Variants in CLIP4 observed in about 807,000 individuals in gnomAD.
The protein encoded by CLIP4 is CAP-Gly domain-containing linker protein 4.
Under a neutral mutation model 73.1 loss-of-function variants are expected in CLIP4, and 47 were observed. The observed-to-expected ratio is 0.64, with a 90% CI of 0.51 to 0.82. CLIP4 has a LOEUF of 0.82. Ranked by LOEUF, CLIP4 falls within the 40% of genes least tolerant of loss-of-function variation. The pLI, the probability that CLIP4 is intolerant of heterozygous loss-of-function variation, is 0.00. For missense variants in CLIP4, 874 were observed against 852.9 expected (o/e 1.02, Z -0.31); for synonymous variants, 306 against 295.4 (o/e 1.04, Z -0.37).
At chr2:29,150,785 A>G (rs1044258948) in intron 8 of CLIP4, among the ~76,000 whole-genome samples, 2 of 151,100 alleles carry the variant, frequency 1.3e-5, no homozygotes, top group African/African-American at 2.4e-5. Flanking sequence ...GTGCCTGGCT[A>G]AATTTTGTAT....
chr2:29,100,541 A>G (rs1199311264), intron 1 of CLIP4, among the ~76,000 whole-genome samples: 5 of 152,008 alleles, frequency 3.3e-5, no homozygotes. Context: ...CATGAACAAG[A>G]AATGTTCCCT....
chr2:29,124,712 T>C (rs887193338), intron 2 of CLIP4, among the ~76,000 whole-genome samples: 2 of 152,182 alleles, frequency 1.3e-5, no homozygotes, highest in Non-Finnish European at 2.9e-5. Flanking sequence ...GTCTAATTAA[T>C]TAGCTGCTGA....
intron 12 of CLIP4, 72 bp from the exon 13 acceptor site, chr2:29,163,759 T>C: frequency 1.4e-6 from 2 of 1,429,770 alleles, no homozygotes; most frequent in Non-Finnish European, 1.9e-6. Context: ...ACCTCGACTT[T>C]GGTTTTGTAT....
At chr2:29,099,575 G>A (rs2148428509) in intron 1 of CLIP4, among the ~76,000 whole-genome samples, 1 of 152,234 alleles carries the variant, frequency 6.6e-6, no homozygotes, top group Admixed American at 6.5e-5. Flanking sequence ...GTATTCTTCT[G>A]CCAATTCCAC....
intron 6 of CLIP4, among the ~76,000 whole-genome samples, chr2:29,139,999 AT>A (rs1170617605): frequency 1.3e-5 from 2 of 150,572 alleles, no homozygotes; most frequent in Non-Finnish European, 3.0e-5. Flanking sequence ...AATTTTAGTT[AT>A]TTTTTTGACT....
intron 6 of CLIP4, among the ~76,000 whole-genome samples, chr2:29,140,227 CT>C (rs1665665373): frequency 6.6e-6 from 1 of 152,134 alleles, no homozygotes; most frequent in Admixed American, 6.5e-5. Flanking sequence ...TATCCCTCCC[CT>C]CTCCTCCCGC....
intron 15 of CLIP4, 32 bp downstream of exon 15, chr2:29,174,477 T>C (rs766814358): frequency 6.3e-7 from 1 of 1,599,704 alleles, no homozygotes; most frequent in Non-Finnish European, 8.5e-7. Context: ...AAAAACACCT[T>C]TCAAGATGAA....
Position 29,157,206 on chromosome 2 carries a change from G to T in CLIP4, c.1258G>T (p.Ala420Ser), listed in dbSNP as rs761024898. 6.2e-7 allele frequency: 1 copy of T among 1,613,816 alleles called. No homozygotes were observed. The highest frequency in any genetic ancestry group is 8.5e-7 in the Non-Finnish European group (1 of 1,179,810). ...GACACGTTCTTTATCTGTTACAGTTGCCCTGCTTGGATCTGTCAGCAGCTG... is the reference window on the plus strand; with the variant it reads ...GACACGTTCTTTATCTGTTACAGTTTCCCTGCTTGGATCTGTCAGCAGCTG... ...ELKTVTEKDV[A>S]LLGSVSSCSS... The change falls in exon 11 of 16, where the codon GCC (alanine) becomes TCC (serine). Residue 420 changes from alanine to serine, a missense_variant and splice_region_variant. Transcript: ENST00000320081.
At chr2:29,127,897 GTTGT>G (rs1307089791) in intron 2 of CLIP4, among the ~76,000 whole-genome samples, 1 of 152,076 alleles carries the variant, frequency 6.6e-6, no homozygotes, top group Non-Finnish European at 1.5e-5. Flanking sequence ...AGGAAATTTG[GTTGT>G]TTATTTTATA....
chr2:29,131,795 T>A (rs962622880), intron 3 of CLIP4: 1 of 248,000 alleles, frequency 4.0e-6, no homozygotes, highest in African/African-American at 2.2e-5. Context: ...TGAGGGAGGG[T>A]TCCTTGACCA....
intron 15 of CLIP4, among the ~76,000 whole-genome samples, chr2:29,176,132 T>C (rs1365304293): frequency 6.6e-6 from 1 of 152,238 alleles, no homozygotes; most frequent in African/African-American, 2.4e-5. Flanking sequence ...TGGTGATCAT[T>C]GTTCTCAGAA....
chr2:29,138,602 T>C (rs566939200), intron 6 of CLIP4, among the ~76,000 whole-genome samples: 1 of 152,204 alleles, frequency 6.6e-6, no homozygotes, highest in South Asian at 2.1e-4. Context: ...CTTTGGGCAA[T>C]GTGGACATTT....
chr2:29,125,699 C>T (rs978404143), intron 2 of CLIP4, among the ~76,000 whole-genome samples: 4 of 152,172 alleles, frequency 2.6e-5, no homozygotes, highest in Non-Finnish European at 5.9e-5. Context: ...ATTTGTATTC[C>T]ATTCCTCAGA....
chr2:29,183,300 T>C lies in CLIP4; in HGVS notation c.*1407T>C, dbSNP rs570667388. 11 of 152,782 alleles carry C rather than the reference T, an allele frequency of 7.2e-5. No individual in the cohort carries two copies. The highest frequency in any genetic ancestry group is 2.4e-4 in the African/African-American group (10 of 41,582). The allele number at this position is 152,782 out of a possible 1,614,324, so 9.5% of individuals were successfully genotyped here. A position where few individuals can be genotyped will look rare whatever the true frequency, so the allele number is the denominator to read the frequency against. ...AATAATATGTTGAACTATTTTGCAATATACTATTTTAAATCTAAATTCTGT... is the reference window on the plus strand; with the variant it reads ...AATAATATGTTGAACTATTTTGCAACATACTATTTTAAATCTAAATTCTGT... On this transcript the variant is annotated 3_prime_UTR_variant, in exon 16 of 16. Transcript: ENST00000320081.
upstream of CLIP4, chr2:29,113,872 A>G (rs576068215): frequency 4.6e-5 from 7 of 152,270 alleles, no homozygotes; most frequent in Admixed American, 3.9e-4. This position sits in a 1 kb window ranked among gnomAD's most constrained non-coding sequence, Gnocchi z 4.0. Context: ...GAAGCCAACC[A>G]AGGGCAGATT....
At chr2:29,142,684 G>A (rs1665857554) in intron 6 of CLIP4, among the ~76,000 whole-genome samples, 1 of 152,178 alleles carries the variant, frequency 6.6e-6, no homozygotes, top group Non-Finnish European at 1.5e-5. Context: ...CAAACTAAGT[G>A]TGTTCTAAAA....
At chr2:29,176,367 G>A (rs189327036) in intron 15 of CLIP4, among the ~76,000 whole-genome samples, 2 of 152,204 alleles carry the variant, frequency 1.3e-5, no homozygotes, top group Non-Finnish European at 2.9e-5. Context: ...TTGCTTGTTC[G>A]TATGGAAATA....
chr2:29,144,009 C>CAG (rs1553371271), intron 7 of CLIP4, 64 bp downstream of exon 7: 55 of 1,310,070 alleles, frequency 4.2e-5, no homozygotes, highest in Non-Finnish European at 5.6e-5. Flanking sequence ...TGTTCAAGGA[C>CAG]ACAGTATGGT....
chr2:29,131,831 A>G, intron 3 of CLIP4: 1 of 308,036 alleles, frequency 3.2e-6, no homozygotes, highest in Non-Finnish European at 5.9e-6. Context: ...GTAGGAAGAG[A>G]GTGCTTATAC....
Sources: allele counts gnomAD v4.1 joint callset (sites outside exome capture counted in the v4.1 genomes callset), GRCh38; gene constraint gnomAD v4.1.1; non-coding constraint Gnocchi (gnomAD v3.1); transcripts MANE v1.5; gene names NCBI Gene and HGNC (gene_info 2026-07-23, HGNC 2026-07-21).